NMNAT2: variants seen among roughly 807,000 people sequenced by gnomAD.
NMNAT2 encodes the protein nicotinamide/nicotinic acid mononucleotide adenylyltransferase 2.
A neutral mutation model predicts 41.6 loss-of-function variants in NMNAT2; 11 were observed. That is an observed-to-expected ratio of 0.26 (90% CI 0.17 to 0.44). The LOEUF is 0.44. NMNAT2 is among the 20% of genes least tolerant of loss of function. The pLI is 1.00. For missense variants in NMNAT2, 288 were observed against 407.7 expected (o/e 0.71, Z 2.53); for synonymous variants, 148 against 151.2 (o/e 0.98, Z 0.16).
intron 1 of NMNAT2, among the ~76,000 whole-genome samples, chr1:183,384,625 A>G (rs1648129140): frequency 1.3e-5 from 2 of 152,230 alleles, no homozygotes; most frequent in African/African-American, 2.4e-5. Flanking sequence ...ATTGGGGATG[A>G]CAATTCAACA....
At chr1:183,318,157 C>T (rs1020198606) in intron 1 of NMNAT2, among the ~76,000 whole-genome samples, 20 of 152,164 alleles carry the variant, frequency 1.3e-4, no homozygotes, top group African/African-American at 4.8e-4. Context: ...CCCAGACATC[C>T]GGCCTAGGCT....
chr1:183,283,429 GTCA>G (rs2102301363), intron 7 of NMNAT2: 1 of 158,790 alleles, frequency 6.3e-6, no homozygotes, highest in East Asian at 1.9e-4. Flanking sequence ...GCTTGTAGGG[GTCA>G]TCAACTTCTT....
intron 8 of NMNAT2, among the ~76,000 whole-genome samples, chr1:183,268,514 G>A (rs959845127): frequency 1.2e-4 from 18 of 152,170 alleles, no homozygotes; most frequent in African/African-American, 4.3e-4. Flanking sequence ...TATATTATGG[G>A]TAACTGGCAA....
chr1:183,278,405 G>A, intron 8 of NMNAT2, 148 bp downstream of exon 8: 2 of 605,776 alleles, frequency 3.3e-6, no homozygotes, highest in East Asian at 2.9e-5. Context: ...AAAGCTTGGG[G>A]GTAGGTGAGA....
chr1:183,264,221 A>G (rs1011669975), intron 8 of NMNAT2, among the ~76,000 whole-genome samples: 32 of 152,084 alleles, frequency 2.1e-4, no homozygotes, highest in African/African-American at 7.0e-4. Flanking sequence ...TGAGCATTCT[A>G]ATTTAAACCA....
chr1:183,263,293 A>G (rs987661054), intron 8 of NMNAT2, among the ~76,000 whole-genome samples: 12 of 152,214 alleles, frequency 7.9e-5, no homozygotes, highest in Admixed American at 7.9e-4. Context: ...CACTGCATCT[A>G]TTGGTGGTGT....
intron 1 of NMNAT2, among the ~76,000 whole-genome samples, chr1:183,404,830 A>T (rs991810020): frequency 1.2e-4 from 18 of 152,206 alleles, no homozygotes; most frequent in African/African-American, 4.3e-4. Flanking sequence ...CCTGTCTGCA[A>T]CCCAAATGGT....
intron 1 of NMNAT2, among the ~76,000 whole-genome samples, chr1:183,316,632 A>G (rs1017605114): frequency 1.1e-4 from 16 of 152,126 alleles, no homozygotes; most frequent in African/African-American, 3.9e-4. Flanking sequence ...GGGACTGGGC[A>G]CTTTACTTCC....
intron 1 of NMNAT2, among the ~76,000 whole-genome samples, chr1:183,352,752 G>A (rs1663091858): frequency 6.6e-6 from 1 of 152,140 alleles, no homozygotes; most frequent in African/African-American, 2.4e-5. Flanking sequence ...CGGGAACATG[G>A]TGATCACATC....
chr1:183,312,843 C>G (rs768161814), intron 1 of NMNAT2, among the ~76,000 whole-genome samples: 9 of 152,152 alleles, frequency 5.9e-5, no homozygotes, highest in Non-Finnish European at 1.0e-4. Flanking sequence ...TGAACTAAGT[C>G]CCTAAATAAG....
chr1:183,253,139 A>G (rs552416384), intron 10 of NMNAT2, among the ~76,000 whole-genome samples: 1 of 151,722 alleles, frequency 6.6e-6, no homozygotes, highest in South Asian at 2.1e-4. Context: ...TCTCAAATAA[A>G]TTGTATTGTG....
intron 1 of NMNAT2, among the ~76,000 whole-genome samples, chr1:183,344,891 T>C (rs813293): frequency 0.72 from 109,262 of 152,080 alleles, 39,414 homozygotes; most frequent in East Asian, 0.91. Context: ...CACAAACCAG[T>C]CTCCCCGGCA....
chr1:183,353,263 C>T lies in NMNAT2; in HGVS notation c.86-59470G>A, dbSNP rs961846554. On this transcript the variant is annotated intron_variant, in intron 1 of 10. Coordinates refer to ENST00000287713, the MANE Select transcript of NMNAT2 (RefSeq NM_015039.4). Reference sequence around the variant, plus strand: ...CCTCAAGATCCACCCGCCTCGGCCTCCCAAAGTGCTGGGATTACAGGAGTG... The same window carrying T: ...CCTCAAGATCCACCCGCCTCGGCCTTCCAAAGTGCTGGGATTACAGGAGTG... Among the ~76,000 whole-genome samples the T allele has an allele frequency of 2.0e-5, 3 of 152,278 alleles. No individual in the cohort carries two copies. The South Asian group carries it at 6.2e-4, about 32-fold the overall frequency.
chr1:183,331,569 C>T (rs1180015761), intron 1 of NMNAT2, among the ~76,000 whole-genome samples: 1 of 152,176 alleles, frequency 6.6e-6, no homozygotes, highest in African/African-American at 2.4e-5. Context: ...TTTCCAACTC[C>T]CTGCCTTTCT....
chr1:183,358,811 C>T (rs1362002450), intron 1 of NMNAT2, among the ~76,000 whole-genome samples: 2 of 152,196 alleles, frequency 1.3e-5, no homozygotes, highest in African/African-American at 4.8e-5. Flanking sequence ...CCTCTCCTTT[C>T]TGGATAGCAG....
chr1:183,261,657 T>C (rs1403978125), intron 8 of NMNAT2, among the ~76,000 whole-genome samples: 1 of 152,184 alleles, frequency 6.6e-6, no homozygotes, highest in Non-Finnish European at 1.5e-5. Context: ...CCTTACCTGG[T>C]AAACACCCTC....
intron 1 of NMNAT2, among the ~76,000 whole-genome samples, chr1:183,316,362 G>A (rs1033907472): frequency 2.0e-5 from 3 of 152,176 alleles, no homozygotes; most frequent in Non-Finnish European, 4.4e-5. Context: ...GTGGGGTGGG[G>A]AGCTAAGAGG....
chr1:183,346,123 G>C (rs1395734937), intron 1 of NMNAT2, among the ~76,000 whole-genome samples: 1 of 151,940 alleles, frequency 6.6e-6, no homozygotes, highest in Non-Finnish European at 1.5e-5. Context: ...CAATTCTACT[G>C]CTGCTGGGTT....
At chr1:183,372,327 A>C (rs1663566365) in intron 1 of NMNAT2, among the ~76,000 whole-genome samples, 1 of 152,224 alleles carries the variant, frequency 6.6e-6, no homozygotes, top group African/African-American at 2.4e-5. Flanking sequence ...GTGGAAACAG[A>C]AGCAATGACT....
Sources: gnomAD v4.1 joint callset for allele counts (sites outside exome capture counted in the v4.1 genomes callset) on GRCh38, gnomAD v4.1.1 for gene constraint, MANE v1.5 for transcripts, NCBI Gene and HGNC (gene_info 2026-07-23, HGNC 2026-07-21) for gene names.